The following CNTNAP2 variants were observed in gnomAD, a reference collection of about 807,000 sequenced individuals.
CNTNAP2 encodes contactin associated protein 2, also known as contactin-associated protein-like 2.
CNTNAP2 carries 98 observed loss-of-function variants against 155.2 expected under a neutral mutation model. The observed-to-expected ratio is 0.63, with a 90% confidence interval of 0.54 to 0.75. The LOEUF is 0.75. Ranked by LOEUF, CNTNAP2 falls within the 30% of genes least tolerant of loss-of-function variation. The probability of loss-of-function intolerance (pLI) is 0.00; values close to 1 mark genes in which losing one functional copy is unlikely to be tolerated. For missense variants in CNTNAP2, 1,727 were observed against 1,688.1 expected, an observed-to-expected ratio of 1.02 and a Z score of -0.40; for synonymous variants, 651 against 631.2, an observed-to-expected ratio of 1.03 and a Z score of -0.47.
rs372040492 is a variant in CNTNAP2 at position 147,504,194 on chromosome 7, G to A, written c.1777+18153G>A. Among the ~76,000 whole-genome samples the A allele has an allele frequency of 1.1e-3, 161 of 152,216 alleles. 2 individuals carry two copies. Among genetic ancestry groups the A allele is most frequent in the African/African-American group, 3.8e-3 (157 of 41,536 alleles). On this transcript the variant is annotated intron_variant, in intron 11 of 23. Transcript: ENST00000361727. ...TTCTATTGGCAGCTCTAGTAGAGAAGCCCTGTCCTGTAGCTCCTGACATGA... is the reference window on the plus strand; with the variant it reads ...TTCTATTGGCAGCTCTAGTAGAGAAACCCTGTCCTGTAGCTCCTGACATGA...
intron 1 of CNTNAP2, among the ~76,000 whole-genome samples, chr7:146,319,021 G>A (rs1184323963): frequency 2.0e-5 from 3 of 151,940 alleles, no homozygotes; most frequent in East Asian, 1.9e-4. Flanking sequence ...AGAGTAATAC[G>A]CCCACTGTCA....
chr7:147,749,457 A>G (rs903553317), intron 13 of CNTNAP2, among the ~76,000 whole-genome samples: 14 of 152,188 alleles, frequency 9.2e-5, no homozygotes, highest in Non-Finnish European at 1.6e-4. Flanking sequence ...ATTGAATCCA[A>G]CTAGTTAAAT....
rs1563199172 is a variant in CNTNAP2, at chr7:146,712,225, A to ATATGTATACATATCTTATGTATACAT, written c.98-62046_98-62045insTATGTATACATATCTTATGTATACAT. Among the ~76,000 whole-genome samples the ATATGTATACATATCTTATGTATACAT allele has an allele frequency of 1.5e-4, 16 of 107,650 alleles. 3 individuals are homozygous for ATATGTATACATATCTTATGTATACAT. Among genetic ancestry groups the ATATGTATACATATCTTATGTATACAT allele is most frequent in the African/African-American group, 4.6e-4 (11 of 23,734 alleles). 70.6% of individuals were successfully genotyped at this position (107,650 alleles called of 152,430 possible). ...TATGTATACATATCTTATGTATACA[A>ATATGTATACATATCTTATGTATACAT]ATATGTATACATATCTTATGTATAC... On this transcript the variant is annotated intron_variant, in intron 1 of 23. Coordinates refer to ENST00000361727, the MANE Select transcript of CNTNAP2 (RefSeq NM_014141.6).
At chr7:148,131,245 C>T (rs1804826221) in intron 16 of CNTNAP2, among the ~76,000 whole-genome samples, 1 of 151,774 alleles carries the variant, frequency 6.6e-6, no homozygotes, top group Non-Finnish European at 1.5e-5. Flanking sequence ...ACCACAGGCT[C>T]ACGCCACCAC....
chr7:146,356,429 G>A (rs1794999170), intron 1 of CNTNAP2, among the ~76,000 whole-genome samples: 1 of 152,094 alleles, frequency 6.6e-6, no homozygotes, highest in Admixed American at 6.6e-5. Flanking sequence ...CTGTGGATAA[G>A]TTCTTCTTCA....
At chr7:147,467,972 A>G (rs1371151918) in intron 10 of CNTNAP2, among the ~76,000 whole-genome samples, 2 of 152,114 alleles carry the variant, frequency 1.3e-5, no homozygotes, top group Non-Finnish European at 2.9e-5. Flanking sequence ...TTGAGGTTAC[A>G]GTATGCTATG....
intron 2 of CNTNAP2, among the ~76,000 whole-genome samples, chr7:146,833,899 T>C (rs1275409176): frequency 6.6e-6 from 1 of 152,196 alleles, no homozygotes; most frequent in Non-Finnish European, 1.5e-5. Flanking sequence ...TGATCCTGGC[T>C]ATGTCTTTTC....
At chr7:146,626,813 T>G (rs1799427265) in intron 1 of CNTNAP2, among the ~76,000 whole-genome samples, 1 of 152,166 alleles carries the variant, frequency 6.6e-6, no homozygotes, top group Non-Finnish European at 1.5e-5. Context: ...GTTCTTTATG[T>G]GTACTTCACC....
chr7:147,093,481 T>A (rs1316517329), intron 4 of CNTNAP2, among the ~76,000 whole-genome samples: 2 of 152,160 alleles, frequency 1.3e-5, no homozygotes, highest in Non-Finnish European at 2.9e-5. Flanking sequence ...ATAGTAATTA[T>A]GTGCTATAAA....
intron 1 of CNTNAP2, among the ~76,000 whole-genome samples, chr7:146,402,362 C>A (rs919164317): frequency 1.3e-5 from 2 of 152,092 alleles, no homozygotes; most frequent in African/African-American, 2.4e-5. Flanking sequence ...TTTCTCAATA[C>A]AAAAGAGATC....
intron 8 of CNTNAP2, among the ~76,000 whole-genome samples, chr7:147,241,836 T>C (rs898769101): frequency 2.0e-5 from 3 of 152,144 alleles, no homozygotes; most frequent in Non-Finnish European, 2.9e-5. Flanking sequence ...GAGTTTCAGA[T>C]AACAAATGAT....
intron 8 of CNTNAP2, among the ~76,000 whole-genome samples, chr7:147,243,392 G>A (rs78621084): frequency 0.091 from 13,805 of 152,098 alleles, 665 homozygotes; most frequent in African/African-American, 0.1. Context: ...TGGACTTACA[G>A]GAAGACCTGT....
chr7:148,064,249 T>C (rs767199365), intron 15 of CNTNAP2, among the ~76,000 whole-genome samples: 8 of 152,158 alleles, frequency 5.3e-5, no homozygotes, highest in Non-Finnish European at 1.0e-4. Flanking sequence ...AGGATTTTTT[T>C]TCTAGTTCTG....
intron 1 of CNTNAP2, among the ~76,000 whole-genome samples, chr7:146,368,581 C>G (rs538474758): frequency 6.6e-6 from 1 of 152,020 alleles, no homozygotes; most frequent in South Asian, 2.1e-4. Context: ...CTGTTCCAGT[C>G]AAAAATAAAA....
intron 13 of CNTNAP2, among the ~76,000 whole-genome samples, chr7:147,743,561 C>T (rs1374979394): frequency 2.6e-5 from 4 of 152,200 alleles, no homozygotes; most frequent in African/African-American, 2.4e-5. Flanking sequence ...GGACGCCTAA[C>T]TCTTACCCTG....
intron 6 of CNTNAP2, chr7:147,121,747 A>G (rs750776300): frequency 1.3e-5 from 2 of 152,528 alleles, no homozygotes; most frequent in Non-Finnish European, 2.9e-5. Context: ...AAAATAATCA[A>G]TGATCACGTT....
At chr7:148,010,719 T>C (rs1235684860) in intron 15 of CNTNAP2, among the ~76,000 whole-genome samples, 1 of 151,906 alleles carries the variant, frequency 6.6e-6, no homozygotes, top group Admixed American at 6.6e-5. Context: ...ACAGCAAAAC[T>C]GAATAGAAAG....
At chr7:146,706,458 CAA>C (rs1447174638) in intron 1 of CNTNAP2, among the ~76,000 whole-genome samples, 1 of 152,052 alleles carries the variant, frequency 6.6e-6, no homozygotes, top group Non-Finnish European at 1.5e-5. Flanking sequence ...AGCTATCTGT[CAA>C]AGTGTTACAA....
chr7:147,921,781 A>G (rs1274093173), intron 14 of CNTNAP2, among the ~76,000 whole-genome samples: 5 of 152,244 alleles, frequency 3.3e-5, no homozygotes, highest in African/African-American at 1.2e-4. Context: ...TCAGAAGTTT[A>G]TAAGCCTCAT....
Sources: gnomAD v4.1 joint callset for allele counts (sites outside exome capture counted in the v4.1 genomes callset) on GRCh38, gnomAD v4.1.1 for gene constraint, MANE v1.5 for transcripts, NCBI Gene and HGNC (gene_info 2026-07-23, HGNC 2026-07-21) for gene names.